The following GRIA4 variants were observed in gnomAD, a reference collection of about 807,000 sequenced individuals.
The protein encoded by GRIA4 is glutamate receptor 4.
GRIA4 carries 34 observed loss-of-function variants against 104.0 expected under a neutral mutation model. The observed-to-expected ratio is 0.33, with a 90% confidence interval of 0.25 to 0.44. The LOEUF (loss-of-function observed/expected upper bound fraction) is 0.44. Ranked by LOEUF, GRIA4 falls within the 20% of genes least tolerant of loss-of-function variation. GRIA4 has a pLI of 1.00. For missense variants in GRIA4, 750 were observed against 1,096.5 expected (o/e 0.68, Z 4.46); for synonymous variants, 386 against 381.9 (o/e 1.01, Z -0.13).
intron 14 of GRIA4, among the ~76,000 whole-genome samples, chr11:105,961,186 G>A (rs1302887889): frequency 6.6e-6 from 1 of 152,148 alleles, no homozygotes; most frequent in Non-Finnish European, 1.5e-5. Flanking sequence ...TATGAATGGT[G>A]AGAAATGAAT....
At chr11:105,648,589 A>G (rs1951598005) in intron 3 of GRIA4, among the ~76,000 whole-genome samples, 3 of 151,828 alleles carry the variant, frequency 2.0e-5, no homozygotes, top group Admixed American at 2.0e-4. Context: ...ATAAATGCAA[A>G]AAGGAAAAAA....
intron 5 of GRIA4, among the ~76,000 whole-genome samples, chr11:105,881,263 G>A (rs1290244190): frequency 6.6e-6 from 1 of 152,146 alleles, no homozygotes; most frequent in Non-Finnish European, 1.5e-5. Context: ...CTGGGAAGGA[G>A]GACATTAATG....
At chr11:105,725,801 T>A (rs573673359) in intron 3 of GRIA4, among the ~76,000 whole-genome samples, 13 of 152,060 alleles carry the variant, frequency 8.5e-5, no homozygotes, top group African/African-American at 2.9e-4. Context: ...GTCGGGCAAC[T>A]CCCTCCCCTA....
At chr11:105,895,247 TC>T (rs1946607649) in intron 6 of GRIA4, among the ~76,000 whole-genome samples, 1 of 62,498 alleles carries the variant, frequency 1.6e-5, no homozygotes, top group Non-Finnish European at 3.1e-5. Flanking sequence ...AGCTACGAGC[TC>T]ATGCGTGTGT....
At chr11:105,789,474 T>C (rs1942121831) in intron 4 of GRIA4, among the ~76,000 whole-genome samples, 1 of 152,170 alleles carries the variant, frequency 6.6e-6, no homozygotes, top group South Asian at 2.1e-4. Context: ...GCAAAATGCA[T>C]ATTCAAATAA....
chr11:105,810,200 C>A (rs1443717189), intron 4 of GRIA4, among the ~76,000 whole-genome samples: 1 of 152,126 alleles, frequency 6.6e-6, no homozygotes, highest in Non-Finnish European at 1.5e-5. Flanking sequence ...CTCCTTTGAA[C>A]CCAAACAAAT....
rs73636715 is a variant in GRIA4, at chr11:105,628,442, G to A, written c.247+16008G>A. Among the ~76,000 whole-genome samples the A allele has an allele frequency of 6.1e-3, 928 of 152,156 alleles. 11 individuals carry two copies. The highest frequency in any genetic ancestry group is 0.021 in the African/African-American group (886 of 41,500). On this transcript the variant is annotated intron_variant, in intron 3 of 16. Transcript: ENST00000282499. ...TTTCCTATAATCCCCATGTGTCGTT[G>A]GAGAGACCCGGACGTTGGAGTTGAA...
intron 4 of GRIA4, among the ~76,000 whole-genome samples, chr11:105,849,517 A>G (rs1270115784): frequency 1.3e-5 from 2 of 152,244 alleles, no homozygotes; most frequent in Non-Finnish European, 2.9e-5. Context: ...TGAGGCATCA[A>G]TTGGAGTGGT....
chr11:105,920,737 A>G (rs1452627201), intron 11 of GRIA4, among the ~76,000 whole-genome samples: 1 of 152,188 alleles, frequency 6.6e-6, no homozygotes, highest in African/African-American at 2.4e-5. Context: ...AAGATAACAT[A>G]ATGGTTATTA....
intron 6 of GRIA4, among the ~76,000 whole-genome samples, chr11:105,898,043 A>G (rs937646939): frequency 6.6e-6 from 1 of 152,182 alleles, no homozygotes; most frequent in African/African-American, 2.4e-5. Flanking sequence ...TTGAACTGAA[A>G]TAAAAACATA....
At chr11:105,650,062 T>C (rs907606979) in intron 3 of GRIA4, among the ~76,000 whole-genome samples, 1 of 152,120 alleles carries the variant, frequency 6.6e-6, no homozygotes, top group Non-Finnish European at 1.5e-5. Flanking sequence ...ACATAAATAA[T>C]TGTCTGAAGA....
intron 4 of GRIA4, among the ~76,000 whole-genome samples, chr11:105,858,560 T>C (rs1945102037): frequency 6.6e-6 from 1 of 152,168 alleles, no homozygotes; most frequent in Non-Finnish European, 1.5e-5. Flanking sequence ...TAAATTATTG[T>C]TGACTTTAGT....
At chr11:105,747,895 G>T (rs1463791004) in intron 3 of GRIA4, among the ~76,000 whole-genome samples, 1 of 152,056 alleles carries the variant, frequency 6.6e-6, no homozygotes, top group African/African-American at 2.4e-5. Flanking sequence ...TCAATATTAA[G>T]AAACGAAAAA....
At chr11:105,624,178 A>G (rs1415708398) in intron 3 of GRIA4, among the ~76,000 whole-genome samples, 1 of 152,142 alleles carries the variant, frequency 6.6e-6, no homozygotes, top group Non-Finnish European at 1.5e-5. Context: ...AATATATCCT[A>G]GAAGAAAGAA....
At chr11:105,624,213 C>T (rs756733536) in intron 3 of GRIA4, among the ~76,000 whole-genome samples, 2 of 152,140 alleles carry the variant, frequency 1.3e-5, no homozygotes, top group South Asian at 2.1e-4. Context: ...TGCTAATTGA[C>T]GTACATTGTG....
chr11:105,731,534 C>G (rs1228959752), intron 3 of GRIA4, among the ~76,000 whole-genome samples: 1 of 152,048 alleles, frequency 6.6e-6, no homozygotes. Context: ...GGGTATATAC[C>G]CAAAGGATTA....
At chr11:105,829,679 G>A (rs1185303789) in intron 4 of GRIA4, among the ~76,000 whole-genome samples, 1 of 151,888 alleles carries the variant, frequency 6.6e-6, no homozygotes, top group Non-Finnish European at 1.5e-5. Flanking sequence ...CAGAGGTGCT[G>A]GTGTCTGTTT....
chr11:105,851,120 T>C (rs1944792658), intron 4 of GRIA4, among the ~76,000 whole-genome samples: 1 of 152,182 alleles, frequency 6.6e-6, no homozygotes, highest in Non-Finnish European at 1.5e-5. Context: ...TTAAAGGTCA[T>C]GGATTTGTCA....
chr11:105,665,582 T>C (rs1237997396), intron 3 of GRIA4, among the ~76,000 whole-genome samples: 2 of 151,940 alleles, frequency 1.3e-5, no homozygotes, highest in African/African-American at 2.4e-5. Context: ...GCCCAGAAAA[T>C]AGGAAGCACA....
Sources: allele counts gnomAD v4.1 joint callset (sites outside exome capture counted in the v4.1 genomes callset), GRCh38; gene constraint gnomAD v4.1.1; transcripts MANE v1.5; gene names NCBI Gene and HGNC (gene_info 2026-07-23, HGNC 2026-07-21).